DIAPH3: variants seen among roughly 807,000 people sequenced by gnomAD.
The protein encoded by DIAPH3 is diaphanous related formin 3.
A neutral mutation model predicts 144.3 loss-of-function variants in DIAPH3; 117 were observed. That is an observed-to-expected ratio of 0.81 (90% CI 0.70 to 0.95). DIAPH3 has a LOEUF of 0.95. Among genes scored for constraint, DIAPH3 ranks in the 40% least tolerant of loss-of-function variants. The pLI, the probability that DIAPH3 is intolerant of heterozygous loss-of-function variation, is 0.00. For missense variants in DIAPH3, 1,421 were observed against 1,412.7 expected (o/e 1.01, Z -0.09); for synonymous variants, 519 against 488.9 (o/e 1.06, Z -0.81).
chr13:59,971,197 A>T (rs915626481), intron 15 of DIAPH3, 37 bp from the exon 16 acceptor site: 27 of 1,539,268 alleles, frequency 1.8e-5, no homozygotes, highest in Admixed American at 6.0e-5. Context: ...AACTAAGAAC[A>T]TATCTACAAA....
intron 27 of DIAPH3, chr13:59,695,344 A>G (rs1402591115): frequency 6.6e-6 from 1 of 152,222 alleles, no homozygotes; most frequent in East Asian, 1.9e-4. Flanking sequence ...CAAAAGTTAG[A>G]ATGAGGAATG....
At chr13:60,081,070 G>A (rs188151519) in intron 4 of DIAPH3, among the ~76,000 whole-genome samples, 1 of 152,038 alleles carries the variant, frequency 6.6e-6, no homozygotes, top group Admixed American at 6.6e-5. Flanking sequence ...AGTGCTTGAA[G>A]TGATTTCCTG....
rs934369942 is a variant in DIAPH3 at position 60,132,844 on chromosome 13, C to T, written c.213+113G>A. On this transcript the variant is annotated intron_variant, in intron 2 of 27. Transcript: ENST00000400324. ...TTATTTCAGCACTATAAGAATAGTA[C>T]GTTTCCAATATATGTGACTTTTAGC... 6.1e-5 allele frequency: 52 copies of T among 857,002 alleles called. No homozygotes were observed. The Admixed American group carries it at 8.8e-4, about 15-fold the overall frequency. 53.1% of individuals were successfully genotyped at this position (857,002 alleles called of 1,614,324 possible). A position where few individuals can be genotyped will look rare whatever the true frequency, so the allele number is the denominator to read the frequency against.
intron 1 of DIAPH3, among the ~76,000 whole-genome samples, chr13:60,135,934 CTA>C (rs1236012405): frequency 6.6e-6 from 1 of 152,138 alleles, no homozygotes; most frequent in Admixed American, 6.5e-5. Context: ...AATGTAAACA[CTA>C]TATCAAGTGG....
intron 13 of DIAPH3, among the ~76,000 whole-genome samples, chr13:59,983,171 T>A (rs1244042340): frequency 3.1e-5 from 4 of 127,226 alleles, no homozygotes; most frequent in Non-Finnish European, 6.7e-5. Flanking sequence ...TCTCAAGTTA[T>A]AGAAGCCATC....
At chr13:60,025,531 A>G (rs408539) in intron 5 of DIAPH3, among the ~76,000 whole-genome samples, 3,535 of 152,108 alleles carry the variant, frequency 0.023, 136 homozygotes, top group African/African-American at 0.081. Flanking sequence ...AGGCAGTGAC[A>G]GTGGTAAGAG....
At chr13:60,071,396 A>G (rs1034076154) in intron 4 of DIAPH3, among the ~76,000 whole-genome samples, 2 of 152,214 alleles carry the variant, frequency 1.3e-5, no homozygotes, top group African/African-American at 4.8e-5. Flanking sequence ...TTTTTCAAAC[A>G]GAATAGCTTC....
chr13:59,752,820 T>C (rs1049825377), intron 27 of DIAPH3, among the ~76,000 whole-genome samples: 3 of 152,194 alleles, frequency 2.0e-5, no homozygotes, highest in African/African-American at 7.2e-5. Flanking sequence ...GGGATGTGGG[T>C]AAGTGGGGAA....
intron 4 of DIAPH3, among the ~76,000 whole-genome samples, chr13:60,077,457 CAGG>C (rs1266817311): frequency 6.6e-6 from 1 of 151,982 alleles, no homozygotes; most frequent in Non-Finnish European, 1.5e-5. Flanking sequence ...TAAAATGACC[CAGG>C]AGATTACACG....
At position 60,087,756 on chromosome 13, in the gene DIAPH3, A is replaced by G. The variant is rs181994626; in HGVS notation, c.495+5872T>C. 3.3e-5 allele frequency among the ~76,000 whole-genome samples: 5 copies of G among 151,650 alleles called. No individual in the cohort carries two copies. In the East Asian group the frequency reaches 5.8e-4, roughly 18 times the overall value. ...GCAAACTTTCAGGAGCATTTATAAA[A>G]GAGGAATTCTGCTTCTTGATCCAAA... On this transcript the variant is annotated intron_variant, in intron 4 of 27. Transcript: ENST00000400324.
intron 27 of DIAPH3, among the ~76,000 whole-genome samples, chr13:59,716,457 G>A (rs2035068158): frequency 6.6e-6 from 1 of 152,194 alleles, no homozygotes; most frequent in Non-Finnish European, 1.5e-5. Flanking sequence ...TTACAGGCAT[G>A]AGCCACCGTG....
chr13:59,796,738 G>C (rs2039627461), intron 25 of DIAPH3, among the ~76,000 whole-genome samples: 1 of 151,948 alleles, frequency 6.6e-6, no homozygotes, highest in Admixed American at 6.6e-5. Context: ...ATAACCAAAG[G>C]GGGGAAAAAA....
intron 25 of DIAPH3, among the ~76,000 whole-genome samples, chr13:59,791,435 T>C (rs1286151990): frequency 1.3e-5 from 2 of 152,214 alleles, no homozygotes; most frequent in Non-Finnish European, 2.9e-5. Context: ...CACTCCCCTC[T>C]TTCAAAGTAG....
intron 20 of DIAPH3, among the ~76,000 whole-genome samples, chr13:59,885,647 G>A (rs932623263): frequency 6.6e-6 from 1 of 151,862 alleles, no homozygotes; most frequent in African/African-American, 2.4e-5. Context: ...ACCCACAAAA[G>A]GTATGTCTAA....
intron 22 of DIAPH3, among the ~76,000 whole-genome samples, chr13:59,848,253 C>A (rs1253389663): frequency 6.6e-6 from 1 of 150,532 alleles, no homozygotes; most frequent in African/African-American, 2.4e-5. Flanking sequence ...CACTCTTTTG[C>A]TCAAAACCTT....
At chr13:59,973,167 T>C (rs2050485487) in intron 15 of DIAPH3, among the ~76,000 whole-genome samples, 1 of 152,200 alleles carries the variant, frequency 6.6e-6, no homozygotes, top group Non-Finnish European at 1.5e-5. Flanking sequence ...ATTCCCATTT[T>C]ATGTAAAAGC....
At chr13:59,740,320 T>C (rs2036385599) in intron 27 of DIAPH3, among the ~76,000 whole-genome samples, 1 of 152,238 alleles carries the variant, frequency 6.6e-6, no homozygotes, top group Admixed American at 6.5e-5. Flanking sequence ...CCTATGAGAC[T>C]GTACACTAAT....
chr13:59,734,942 T>C (rs1023939317), intron 27 of DIAPH3, among the ~76,000 whole-genome samples: 27 of 152,324 alleles, frequency 1.8e-4, no homozygotes, highest in African/African-American at 6.5e-4. Flanking sequence ...TAACTCAATT[T>C]CTAAAGTGAG....
At position 60,023,732 on chromosome 13, in the gene DIAPH3, C is replaced by A. The variant is rs188515057; in HGVS notation, c.627-7587G>T. 4.0e-5 allele frequency among the ~76,000 whole-genome samples: 6 copies of A among 151,700 alleles called. No homozygotes were observed. In the East Asian group the frequency reaches 1.2e-3, roughly 30 times the overall value. ...TACAGGCGTGAGCCACCGTGCCCAGCCTAGTTCTCAGGAATTTGACTATGA... is the reference window on the plus strand; with the variant it reads ...TACAGGCGTGAGCCACCGTGCCCAGACTAGTTCTCAGGAATTTGACTATGA... On this transcript the variant is annotated intron_variant, in intron 5 of 27. Coordinates refer to ENST00000400324, the MANE Select transcript of DIAPH3 (RefSeq NM_001042517.2).
Sources: allele counts gnomAD v4.1 joint callset (sites outside exome capture counted in the v4.1 genomes callset), GRCh38; gene constraint gnomAD v4.1.1; transcripts MANE v1.5; gene names NCBI Gene and HGNC (gene_info 2026-07-23, HGNC 2026-07-21).